PLD5: variants seen among roughly 807,000 people sequenced by gnomAD.
PLD5 encodes the protein inactive phospholipase D5.
PLD5 carries 36 observed loss-of-function variants against 61.1 expected under a neutral mutation model. The observed-to-expected ratio is 0.59, with a 90% CI of 0.45 to 0.78. The LOEUF (loss-of-function observed/expected upper bound fraction) is 0.78. Ranked by LOEUF, PLD5 falls within the 30% of genes least tolerant of loss-of-function variation. The pLI, the probability that PLD5 is intolerant of heterozygous loss-of-function variation, is 0.00. For synonymous variants in PLD5, 243 were observed against 242.8 expected, an observed-to-expected ratio of 1.00 and a Z score of -0.01; for missense variants, 515 against 644.4, an observed-to-expected ratio of 0.80 and a Z score of 2.17.
At chr1:242,285,818 T>C (rs899173854) in intron 3 of PLD5, among the ~76,000 whole-genome samples, 3 of 151,930 alleles carry the variant, frequency 2.0e-5, no homozygotes, top group African/African-American at 7.3e-5. Context: ...TCAAAATAAG[T>C]AGAAGGGGGC....
chr1:242,437,241 G>A (rs746610983), intron 1 of PLD5, among the ~76,000 whole-genome samples: 10 of 152,152 alleles, frequency 6.6e-5, no homozygotes, highest in Non-Finnish European at 1.2e-4. Context: ...AGTAACTGAG[G>A]TGGATCGGTA....
chr1:242,296,535 G>A (rs1675668696), intron 2 of PLD5, among the ~76,000 whole-genome samples: 1 of 152,194 alleles, frequency 6.6e-6, no homozygotes, highest in Admixed American at 6.5e-5. Flanking sequence ...CTATGTGGCA[G>A]ATTCACTGAC....
At chr1:242,391,716 A>G (rs1421859630) in intron 1 of PLD5, among the ~76,000 whole-genome samples, 1 of 152,224 alleles carries the variant, frequency 6.6e-6, no homozygotes, top group African/African-American at 2.4e-5. Flanking sequence ...AGCAAATAGT[A>G]ATCAGATGCC....
intron 5 of PLD5, among the ~76,000 whole-genome samples, chr1:242,145,161 C>T (rs141721873): frequency 6.6e-6 from 1 of 152,278 alleles, no homozygotes; most frequent in East Asian, 1.9e-4. Context: ...AGGATCCACA[C>T]CCTCAGCCGC....
chr1:242,150,900 G>C (rs1664879485), intron 5 of PLD5, among the ~76,000 whole-genome samples: 1 of 151,422 alleles, frequency 6.6e-6, no homozygotes, highest in African/African-American at 2.4e-5. Flanking sequence ...CCTTCATTTA[G>C]ATTTAGTATA....
chr1:242,524,873 C>T (rs1196372834), upstream of PLD5, among the ~76,000 whole-genome samples: 2 of 151,916 alleles, frequency 1.3e-5, no homozygotes, highest in Non-Finnish European at 2.9e-5. Flanking sequence ...CCCGCCTTTC[C>T]CGAGCAGGCT....
intron 4 of PLD5, among the ~76,000 whole-genome samples, chr1:242,248,109 G>A (rs1672493419): frequency 6.6e-6 from 1 of 152,142 alleles, no homozygotes; most frequent in Admixed American, 6.5e-5. Flanking sequence ...TGGTTATATG[G>A]TTATTATGCA....
At chr1:242,258,513 A>G (rs1426071154) in intron 4 of PLD5, among the ~76,000 whole-genome samples, 1 of 152,214 alleles carries the variant, frequency 6.6e-6, no homozygotes, top group Non-Finnish European at 1.5e-5. Flanking sequence ...TAGTCTTCAC[A>G]TTTTAACATC....
At chr1:242,331,950 A>G (rs1416141756) in intron 2 of PLD5, among the ~76,000 whole-genome samples, 1 of 152,058 alleles carries the variant, frequency 6.6e-6, no homozygotes, top group Non-Finnish European at 1.5e-5. Flanking sequence ...GGTTTGTTAC[A>G]TAGGTATACA....
chr1:242,173,654 G>A (rs1198115271), intron 5 of PLD5, among the ~76,000 whole-genome samples: 3 of 152,170 alleles, frequency 2.0e-5, no homozygotes, highest in African/African-American at 7.2e-5. Flanking sequence ...TATACTACAA[G>A]ACTACAGTAA....
intron 1 of PLD5, among the ~76,000 whole-genome samples, chr1:242,348,884 C>G (rs1436955742): frequency 6.6e-6 from 1 of 152,108 alleles, no homozygotes; most frequent in African/African-American, 2.4e-5. Context: ...GAAACCCTGT[C>G]TCTACTAAAA....
intron 1 of PLD5, among the ~76,000 whole-genome samples, chr1:242,470,878 G>C (rs1667430090): frequency 1.3e-5 from 2 of 152,206 alleles, no homozygotes; most frequent in African/African-American, 4.8e-5. Context: ...CCGCTTGCTT[G>C]TATCCTGCAG....
chr1:242,348,715 T>C (rs1029620489), intron 1 of PLD5, among the ~76,000 whole-genome samples: 1 of 152,032 alleles, frequency 6.6e-6, no homozygotes, highest in Non-Finnish European at 1.5e-5. Context: ...GTGCCCAAGG[T>C]GGTTGGGCCA....
In PLD5 at chr1:242,373,973, C is replaced by A. The variant is rs200745158; in HGVS notation, c.190-25731G>T. 1.9e-3 allele frequency among the ~76,000 whole-genome samples: 285 copies of A among 150,050 alleles called. 1 individual carries two copies. The highest frequency in any genetic ancestry group is 0.011 in the East Asian group (56 of 5,106). ...CCTAGAACTTAAAGTATAATAAAAA[C>A]AAAAAAAAAGAATGTCGGAACAAAG... On this transcript the variant is annotated intron_variant, in intron 1 of 9. Transcript: ENST00000536534.
In PLD5 at chr1:242,096,476, G is replaced by A. The variant is rs368602399; in HGVS notation, c.1354+4192C>T. Among the ~76,000 whole-genome samples the A allele has an allele frequency of 2.9e-3, 436 of 152,080 alleles. 3 individuals are homozygous for A. Among genetic ancestry groups the A allele is most frequent in the African/African-American group, 0.01 (422 of 41,512 alleles). On this transcript the variant is annotated intron_variant, in intron 9 of 9. Coordinates refer to ENST00000536534, the MANE Select transcript of PLD5 (RefSeq NM_001372062.1). ...CCTGCCTCAGCCTCCCTAGTAGCTG[G>A]GATTACAGGCATATGCCACCGTACC...
chr1:242,149,092 A>G (rs1664745379), intron 5 of PLD5, among the ~76,000 whole-genome samples: 1 of 151,980 alleles, frequency 6.6e-6, no homozygotes, highest in Non-Finnish European at 1.5e-5. Flanking sequence ...CCTTAAGGGG[A>G]AAGCATTTAG....
chr1:242,152,974 CA>C (rs546127539), intron 5 of PLD5, among the ~76,000 whole-genome samples: 258 of 152,270 alleles, frequency 1.7e-3, no homozygotes, highest in African/African-American at 6.1e-3. Context: ...CTCCCACCAA[CA>C]GTGTAAAAGT....
At chr1:242,112,252 G>GA (rs1661560850) in intron 7 of PLD5, among the ~76,000 whole-genome samples, 1 of 151,174 alleles carries the variant, frequency 6.6e-6, no homozygotes, top group Non-Finnish European at 1.5e-5. Flanking sequence ...AGTGTGCGGT[G>GA]AAAAAAATCC....
chr1:242,277,371 T>C (rs927724688), intron 3 of PLD5, among the ~76,000 whole-genome samples: 12 of 151,512 alleles, frequency 7.9e-5, no homozygotes, highest in African/African-American at 2.9e-4. Context: ...GGAAAAGCCA[T>C]GAGAACTTGC....
Sources: gnomAD v4.1 joint callset for allele counts (sites outside exome capture counted in the v4.1 genomes callset) on GRCh38, gnomAD v4.1.1 for gene constraint, MANE v1.5 for transcripts, NCBI Gene and HGNC (gene_info 2026-07-23, HGNC 2026-07-21) for gene names.